The following TACR1 variants were observed in gnomAD, a reference collection of about 807,000 sequenced individuals.
TACR1 encodes tachykinin receptor 1.
A neutral mutation model predicts 35.8 loss-of-function variants in TACR1; 25 were observed. That is an observed-to-expected ratio of 0.70 (90% CI 0.51 to 0.98). The LOEUF is 0.98. TACR1 is among the 50% of genes least tolerant of loss of function. The pLI, the probability that TACR1 is intolerant of heterozygous loss-of-function variation, is 0.00. For missense variants in TACR1, 478 were observed against 522.9 expected (o/e 0.91, Z 0.84); for synonymous variants, 195 against 206.7 (o/e 0.94, Z 0.48).
At chr2:75,114,974 A>G (rs1377256439) in intron 2 of TACR1, among the ~76,000 whole-genome samples, 1 of 152,224 alleles carries the variant, frequency 6.6e-6, no homozygotes, top group Non-Finnish European at 1.5e-5. Context: ...CCAGGGATCT[A>G]GGAATATAGC....
At chr2:75,170,747 G>T (rs1446287818) in intron 1 of TACR1, among the ~76,000 whole-genome samples, 1 of 152,184 alleles carries the variant, frequency 6.6e-6, no homozygotes, top group Non-Finnish European at 1.5e-5. Context: ...TTAGCAAAGA[G>T]ACTGGCAGCA....
chr2:75,124,629 T>C (rs889044668), intron 1 of TACR1, among the ~76,000 whole-genome samples: 7 of 152,224 alleles, frequency 4.6e-5, no homozygotes, highest in African/African-American at 1.4e-4. Context: ...TTGTGGTCCA[T>C]ATAGTTTCAG....
chr2:75,115,224 T>G (rs1673827659), intron 2 of TACR1, among the ~76,000 whole-genome samples: 1 of 151,780 alleles, frequency 6.6e-6, no homozygotes. Context: ...GACTATTAAA[T>G]TATAAAAAGA....
intron 1 of TACR1, among the ~76,000 whole-genome samples, chr2:75,134,843 G>A (rs1027598405): frequency 6.6e-6 from 1 of 152,158 alleles, no homozygotes; most frequent in Non-Finnish European, 1.5e-5. Context: ...TTTCTATTAA[G>A]CAGGCAGAGA....
chr2:75,145,931 A>G (rs7558939), intron 1 of TACR1, among the ~76,000 whole-genome samples: 5,768 of 152,206 alleles, frequency 0.038, 138 homozygotes, highest in African/African-American at 0.052. Flanking sequence ...GGGAGTTACT[A>G]TTGTAGAGTG....
At position 75,130,478 on chromosome 2, in the gene TACR1, C is replaced by T. The variant is rs368032700; in HGVS notation, c.390-9710G>A. On this transcript the variant is annotated intron_variant, in intron 1 of 4. Transcript: ENST00000305249. ...GAGAGTATGAAGATTATTTGGGCAC[C>T]CTTGCTACAGTGATTTTGCTTTTTC... Among the ~76,000 whole-genome samples the T allele has an allele frequency of 7.9e-5, 12 of 152,278 alleles. 1 individual carries two copies. Among genetic ancestry groups the T allele is most frequent in the African/African-American group, 2.9e-4 (12 of 41,554 alleles).
intron 1 of TACR1, among the ~76,000 whole-genome samples, chr2:75,152,275 C>T (rs1329978228): frequency 6.6e-6 from 1 of 152,156 alleles, no homozygotes; most frequent in African/African-American, 2.4e-5. Context: ...CCTACCCAAA[C>T]CTCAATTTGA....
intron 4 of TACR1, among the ~76,000 whole-genome samples, chr2:75,050,553 C>T (rs1405630838): frequency 6.6e-6 from 1 of 152,208 alleles, no homozygotes; most frequent in Non-Finnish European, 1.5e-5. Flanking sequence ...CTCTGCACCC[C>T]ATGGTGAATT....
At chr2:75,054,201 C>T (rs187822338) in intron 2 of TACR1, among the ~76,000 whole-genome samples, 3 of 152,290 alleles carry the variant, frequency 2.0e-5, no homozygotes, top group East Asian at 1.9e-4. Flanking sequence ...AATTCATACC[C>T]GCCAGACTAC....
At chr2:75,094,857 A>ATTT (rs1414426554) in intron 2 of TACR1, among the ~76,000 whole-genome samples, 26 of 91,132 alleles carry the variant, frequency 2.9e-4, no homozygotes, top group Admixed American at 5.1e-4. Flanking sequence ...ATATATATAT[A>ATTT]TATTTTTTTT....
chr2:75,060,002 C>A (rs965873725), intron 2 of TACR1, among the ~76,000 whole-genome samples: 6 of 152,242 alleles, frequency 3.9e-5, no homozygotes, highest in African/African-American at 1.4e-4. Context: ...ATTCCAAAGA[C>A]CTTTGAAAGT....
At chr2:75,194,887 A>T (rs1410623988) in intron 1 of TACR1, among the ~76,000 whole-genome samples, 1 of 152,186 alleles carries the variant, frequency 6.6e-6, no homozygotes, top group Non-Finnish European at 1.5e-5. Context: ...ATGGTTTCAA[A>T]TCAGGTTATC....
intron 1 of TACR1, among the ~76,000 whole-genome samples, chr2:75,157,551 G>C (rs901997024): frequency 6.6e-6 from 1 of 152,216 alleles, no homozygotes; most frequent in South Asian, 2.1e-4. Context: ...GGGCAGGTAA[G>C]TGGCCAGGCA....
intron 1 of TACR1, among the ~76,000 whole-genome samples, chr2:75,163,282 A>T (rs999703351): frequency 2.6e-5 from 4 of 152,094 alleles, no homozygotes; most frequent in Non-Finnish European, 5.9e-5. Context: ...ACTTTTATCA[A>T]TTTTTTTACC....
At position 75,199,035 on chromosome 2, in the gene TACR1, A is replaced by G. The variant is rs17010883; in HGVS notation, c.-101T>C. The G allele has an allele frequency of 2.1e-3, 2,960 of 1,439,986 alleles. 51 individuals carry two copies. Among genetic ancestry groups the G allele is most frequent in the East Asian group, 5.4e-3 (225 of 41,532 alleles). The allele number at this position is 1,439,986 out of a possible 1,614,324, so 89.2% of individuals were successfully genotyped here. A position where few individuals can be genotyped will look rare whatever the true frequency, so the allele number is the denominator to read the frequency against. ...GGGCTCAGGGTCCTTCTAAAGCCAGACAGGAGGGTGGAAGGCTTTTTCTGG... is the reference window on the plus strand; with the variant it reads ...GGGCTCAGGGTCCTTCTAAAGCCAGGCAGGAGGGTGGAAGGCTTTTTCTGG... On this transcript the variant is annotated 5_prime_UTR_variant, in exon 1 of 5. Transcript: ENST00000305249.
chr2:75,076,228 A>G (rs1672973546), intron 2 of TACR1, among the ~76,000 whole-genome samples: 1 of 152,240 alleles, frequency 6.6e-6, no homozygotes, highest in Non-Finnish European at 1.5e-5. Context: ...GTGCCTGGAA[A>G]AAGCCTTGTC....
chr2:75,094,838 C>CATATATATATATATATATATATATATAT (rs770472061), intron 2 of TACR1, among the ~76,000 whole-genome samples: 5 of 119,854 alleles, frequency 4.2e-5, no homozygotes, highest in African/African-American at 1.9e-4. Flanking sequence ...GAAGCAGAAA[C>CATATATATATATATATATATATATATAT]ATATATATAT....
At chr2:75,084,455 G>C (rs1164159955) in intron 2 of TACR1, among the ~76,000 whole-genome samples, 1 of 152,216 alleles carries the variant, frequency 6.6e-6, no homozygotes, top group Non-Finnish European at 1.5e-5. Flanking sequence ...ATGAGTTAGG[G>C]AGGATTCCCT....
intron 1 of TACR1, among the ~76,000 whole-genome samples, chr2:75,171,684 T>G (rs1411290331): frequency 1.6e-4 from 24 of 152,210 alleles, no homozygotes. Context: ...TGCATCAGCG[T>G]GACCTGGATG....
Sources: gnomAD v4.1 joint callset for allele counts (sites outside exome capture counted in the v4.1 genomes callset) on GRCh38, gnomAD v4.1.1 for gene constraint, MANE v1.5 for transcripts, NCBI Gene and HGNC (gene_info 2026-07-23, HGNC 2026-07-21) for gene names.